NCOA1: variants seen among roughly 807,000 people sequenced by gnomAD.
NCOA1 encodes Hin-2 protein.
Under a neutral mutation model 150.9 loss-of-function variants are expected in NCOA1, and 35 were observed. The observed-to-expected ratio is 0.23, with a 90% CI of 0.18 to 0.31. NCOA1 has a LOEUF of 0.31. NCOA1 is among the 10% of genes least tolerant of loss of function. NCOA1 has a pLI of 1.00. For missense variants in NCOA1, 1,491 were observed against 1,749.3 expected (o/e 0.85, Z 2.63); for synonymous variants, 590 against 630.0 (o/e 0.94, Z 0.95).
rs979559677 is a variant in NCOA1, at chr2:24,523,605, C to CAAAAAAAAAAAAAAAAAAAAAAA, written c.-396+32006_-396+32028dup. ...TGGGAGACAGAGTGAGACTCCGTCT[C>CAAAAAAAAAAAAAAAAAAAAAAA]AAAAAAAAAAAAAAAAAAAAAAAAA... On this transcript the variant is annotated intron_variant, in intron 1 of 22. Coordinates refer to ENST00000348332, the MANE Select transcript of NCOA1 (RefSeq NM_003743.5). Among the ~76,000 whole-genome samples the CAAAAAAAAAAAAAAAAAAAAAAA allele has an allele frequency of 7.3e-4, 13 of 17,702 alleles. 1 individual carries two copies. The highest frequency in any genetic ancestry group is 1.8e-3 in the Admixed American group (3 of 1,630). 11.6% of individuals were successfully genotyped at this position (17,702 alleles called of 152,430 possible).
rs747488021 is a variant in NCOA1 at position 24,658,722 on chromosome 2, C to T, written c.45C>T (p.Asp15=). The change falls in exon 5 of 23, where the codon GAC becomes GAT. Residue 15 remains aspartate, a synonymous_variant. Transcript: ENST00000348332. ...GDSSSDPANP[D]SHKRKGSPCD... ...GTTCATCCGACCCTGCTAACCCAGACTCACATAAGAGGAAAGGATCGCCAT... is the reference window on the plus strand; with the variant it reads ...GTTCATCCGACCCTGCTAACCCAGATTCACATAAGAGGAAAGGATCGCCAT... 1 of 1,614,076 alleles carries T rather than the reference C, an allele frequency of 6.2e-7. No homozygotes were observed. Among genetic ancestry groups the T allele is most frequent in the South Asian group, 1.1e-5 (1 of 91,072 alleles).
In NCOA1 at chr2:24,621,432, A is replaced by ATTTTTTTTT. The variant is rs1162282258; in HGVS notation, c.-174-22509_-174-22501dup. 1.5e-3 allele frequency among the ~76,000 whole-genome samples: 60 copies of ATTTTTTTTT among 38,896 alleles called. 16 individuals are homozygous for ATTTTTTTTT. The highest frequency in any genetic ancestry group is 2.4e-3 in the Admixed American group (5 of 2,060). The allele number at this position is 38,896 out of a possible 152,430, so 25.5% of individuals were successfully genotyped here. A position where few individuals can be genotyped will look rare whatever the true frequency, so the allele number is the denominator to read the frequency against. On this transcript the variant is annotated intron_variant, in intron 3 of 22. Coordinates refer to ENST00000348332, the MANE Select transcript of NCOA1 (RefSeq NM_003743.5). ...TTGTGTTATGTGTGTATTCAGGCAG[A>ATTTTTTTTT]TTTTTTTTTTTTTTTTTTTTTTTTT...
At chr2:24,727,263 A>G (rs992610875) in intron 15 of NCOA1, among the ~76,000 whole-genome samples, 2 of 152,006 alleles carry the variant, frequency 1.3e-5, no homozygotes, top group African/African-American at 2.4e-5. Context: ...TTGATATAAT[A>G]TGTAGCTATT....
intron 1 of NCOA1, among the ~76,000 whole-genome samples, chr2:24,540,259 T>C (rs1342866161): frequency 6.6e-6 from 1 of 152,226 alleles, no homozygotes; most frequent in African/African-American, 2.4e-5. Context: ...CTAAAATGTG[T>C]ACCTAATACT....
chr2:24,618,696 C>G (rs1668984803), intron 3 of NCOA1, among the ~76,000 whole-genome samples: 1 of 152,008 alleles, frequency 6.6e-6, no homozygotes, highest in Non-Finnish European at 1.5e-5. Flanking sequence ...ATACCTTGCC[C>G]TTGCTGGGTG....
chr2:24,612,975 A>G (rs1668696635), intron 3 of NCOA1, among the ~76,000 whole-genome samples: 1 of 152,150 alleles, frequency 6.6e-6, no homozygotes, highest in South Asian at 2.1e-4. Context: ...TTTGGCCAGA[A>G]TTCTTGCACT....
chr2:24,648,821 T>C (rs776519691), intron 4 of NCOA1, among the ~76,000 whole-genome samples: 1 of 152,150 alleles, frequency 6.6e-6, no homozygotes, highest in Non-Finnish European at 1.5e-5. Flanking sequence ...AACTATACTG[T>C]ATTCTGAAAT....
intron 1 of NCOA1, among the ~76,000 whole-genome samples, chr2:24,494,416 A>G (rs1478665616): frequency 6.6e-6 from 1 of 152,040 alleles, no homozygotes; most frequent in Non-Finnish European, 1.5e-5. Context: ...GTTATGTTGC[A>G]TATCTTATGG....
intron 4 of NCOA1, among the ~76,000 whole-genome samples, chr2:24,656,506 C>T (rs1176451255): frequency 2.0e-5 from 3 of 151,984 alleles, no homozygotes; most frequent in Admixed American, 6.6e-5. Flanking sequence ...TTTTGCTATT[C>T]GAAAATAAAT....
intron 13 of NCOA1, among the ~76,000 whole-genome samples, chr2:24,710,543 A>G (rs1285396214): frequency 6.6e-6 from 1 of 152,230 alleles, no homozygotes; most frequent in East Asian, 1.9e-4. Flanking sequence ...GTTTAAAGTA[A>G]GTCATTTTAT....
At chr2:24,632,566 A>G (rs1008328701) in intron 3 of NCOA1, among the ~76,000 whole-genome samples, 10 of 152,200 alleles carry the variant, frequency 6.6e-5, no homozygotes, top group Non-Finnish European at 1.0e-4. Flanking sequence ...GACATTTCCA[A>G]TGCTCAGAAC....
chr2:24,625,271 C>T lies in NCOA1; in HGVS notation c.-174-18695C>T, dbSNP rs1385260687. On this transcript the variant is annotated intron_variant, in intron 3 of 22. Transcript: ENST00000348332. The stretch of plus-strand genomic sequence containing the variant: ...ATCCCTGCTACTCAGGAGGCTGAGG[C>T]ACGAGAATTGCTTGAACCCAGGAGG... 2.7e-5 allele frequency among the ~76,000 whole-genome samples: 4 copies of T among 148,324 alleles called. No homozygotes were observed. In the Admixed American group the frequency reaches 2.7e-4, roughly 10 times the overall value.
chr2:24,626,487 G>A (rs1158851875), intron 3 of NCOA1, among the ~76,000 whole-genome samples: 1 of 152,212 alleles, frequency 6.6e-6, no homozygotes, highest in Admixed American at 6.5e-5. Flanking sequence ...ATTGAATATA[G>A]GAAAAGCAAG....
chr2:24,643,345 A>G (rs1020789737), intron 3 of NCOA1, among the ~76,000 whole-genome samples: 2 of 152,144 alleles, frequency 1.3e-5, no homozygotes, highest in African/African-American at 4.8e-5. Context: ...CTTTCTTTCA[A>G]TGATCAGAAC....
At chr2:24,709,656 A>G (rs936467851) in intron 13 of NCOA1, among the ~76,000 whole-genome samples, 26 of 152,194 alleles carry the variant, frequency 1.7e-4, no homozygotes, top group African/African-American at 6.3e-4. Context: ...TCACTTTAAT[A>G]TAGTTCAATT....
At chr2:24,663,477 T>G (rs1671276871) in intron 5 of NCOA1, among the ~76,000 whole-genome samples, 1 of 152,150 alleles carries the variant, frequency 6.6e-6, no homozygotes, top group South Asian at 2.1e-4. Context: ...TGGCATATAA[T>G]AAGTATAGGA....
intron 2 of NCOA1, among the ~76,000 whole-genome samples, chr2:24,565,033 C>A (rs1474553525): frequency 2.0e-5 from 3 of 152,138 alleles, no homozygotes; most frequent in Admixed American, 2.0e-4. Flanking sequence ...CAGTATGTGT[C>A]ACTGTTACTC....
At chr2:24,743,133 A>T (rs1334119128) in intron 19 of NCOA1, among the ~76,000 whole-genome samples, 1 of 152,234 alleles carries the variant, frequency 6.6e-6, no homozygotes, top group Non-Finnish European at 1.5e-5. Flanking sequence ...TCAAACTTTT[A>T]TGCAAAATTA....
At chr2:24,531,010 G>A (rs1664859546) in intron 1 of NCOA1, among the ~76,000 whole-genome samples, 1 of 152,030 alleles carries the variant, frequency 6.6e-6, no homozygotes, top group Non-Finnish European at 1.5e-5. Flanking sequence ...GTGGTGGACT[G>A]GCTTAGTTGA....
Sources: allele counts gnomAD v4.1 joint callset (sites outside exome capture counted in the v4.1 genomes callset), GRCh38; gene constraint gnomAD v4.1.1; transcripts MANE v1.5; gene names NCBI Gene and HGNC (gene_info 2026-07-23, HGNC 2026-07-21).